SRPK2: variants seen among roughly 807,000 people sequenced by gnomAD.
SRPK2 encodes the protein SFRS protein kinase 2.
In SRPK2, 21 loss-of-function variants were observed where a neutral mutation model predicts 90.8. The observed-to-expected ratio is 0.23, with a 90% CI of 0.16 to 0.33. The LOEUF (loss-of-function observed/expected upper bound fraction) is 0.33, where lower values mean the gene tolerates loss of function less well. Among genes scored for constraint, SRPK2 ranks in the 10% least tolerant of loss-of-function variants. The probability of loss-of-function intolerance (pLI) is 1.00; values close to 1 mark genes in which losing one functional copy is unlikely to be tolerated. For synonymous variants in SRPK2, 288 were observed against 311.1 expected (o/e 0.93, Z 0.78); for missense variants, 620 against 869.0 (o/e 0.71, Z 3.60).
intron 2 of SRPK2, among the ~76,000 whole-genome samples, chr7:105,273,067 T>C (rs962062315): frequency 6.6e-6 from 1 of 151,754 alleles, no homozygotes. Flanking sequence ...TACAAAAAAT[T>C]AGCCAGGCGT....
chr7:105,129,633 C>T (rs1584887637), intron 13 of SRPK2, among the ~76,000 whole-genome samples: 1 of 152,284 alleles, frequency 6.6e-6, no homozygotes, highest in East Asian at 1.9e-4. Flanking sequence ...CCTTGGCCTC[C>T]CAAAGTGCTG....
chr7:105,236,540 T>C (rs1236091161), intron 2 of SRPK2, among the ~76,000 whole-genome samples: 2 of 152,138 alleles, frequency 1.3e-5, no homozygotes, highest in Non-Finnish European at 2.9e-5. Flanking sequence ...TAGGTTTTAT[T>C]CCCGTTTTAC....
intron 2 of SRPK2, among the ~76,000 whole-genome samples, chr7:105,213,503 C>A (rs1563091918): frequency 6.9e-6 from 1 of 145,304 alleles, no homozygotes; most frequent in Non-Finnish European, 1.5e-5. Flanking sequence ...CAGTTCAAAG[C>A]CGAAGAACAA....
At chr7:105,342,462 G>A (rs1815941987) in intron 2 of SRPK2, among the ~76,000 whole-genome samples, 1 of 152,060 alleles carries the variant, frequency 6.6e-6, no homozygotes, top group African/African-American at 2.4e-5. Context: ...CTATGTCAGA[G>A]AAGCCTACAA....
At chr7:105,215,062 T>A (rs1797288160) in intron 2 of SRPK2, among the ~76,000 whole-genome samples, 1 of 152,212 alleles carries the variant, frequency 6.6e-6, no homozygotes, top group African/African-American at 2.4e-5. Context: ...GATTTCCAAC[T>A]GATTGCCAAG....
At position 105,254,422 on chromosome 7, in the gene SRPK2, G is replaced by A. The variant is rs113293294; in HGVS notation, c.72-50637C>T. ...AAAAACAAACACTCCTTTATAAAGA[G>A]CCTTACAAATTGGCTTCACAAGTGA... is the stretch of plus-strand genomic sequence containing the variant. On this transcript the variant is annotated intron_variant, in intron 2 of 15. Transcript: ENST00000393651. Among the ~76,000 whole-genome samples, 491 of 152,280 alleles carry A rather than the reference G, an allele frequency of 3.2e-3. 3 individuals carry two copies. Among genetic ancestry groups the A allele is most frequent in the African/African-American group, 0.011 (470 of 41,560 alleles).
intron 7 of SRPK2, among the ~76,000 whole-genome samples, chr7:105,150,770 G>T (rs918245748): frequency 3.3e-5 from 5 of 152,214 alleles, no homozygotes; most frequent in African/African-American, 1.2e-4. Flanking sequence ...ATGATGTCCA[G>T]CCCATAGAGG....
Position 105,146,670 on chromosome 7 carries a change from A to G in SRPK2, c.622-12T>C. The G allele has an allele frequency of 6.2e-7, 1 of 1,613,258 alleles. No homozygotes were observed. The highest frequency in any genetic ancestry group is 8.5e-7 in the Non-Finnish European group (1 of 1,179,492). On this transcript the variant is annotated splice_polypyrimidine_tract_variant and intron_variant, in intron 7 of 15. Coordinates refer to ENST00000393651, the MANE Select transcript of SRPK2 (RefSeq NM_182692.3). The stretch of plus-strand genomic sequence containing the variant: ...AACCCTTGAAGGACCTGGATATAGT[A>G]AAATCAAGAGAGAAGATAAGCTATT...
chr7:105,267,430 T>C (rs1805241186), intron 2 of SRPK2, among the ~76,000 whole-genome samples: 2 of 152,278 alleles, frequency 1.3e-5, no homozygotes, highest in South Asian at 4.1e-4. Flanking sequence ...TCTTCTACCC[T>C]TCCCATCACC....
intron 2 of SRPK2, among the ~76,000 whole-genome samples, chr7:105,376,567 T>C (rs1252741899): frequency 6.7e-6 from 1 of 148,578 alleles, no homozygotes; most frequent in Non-Finnish European, 1.5e-5. Context: ...GGGTATAGAG[T>C]CTCACTCTGT....
chr7:105,376,213 G>T (rs537693015), intron 2 of SRPK2, among the ~76,000 whole-genome samples: 9 of 151,618 alleles, frequency 5.9e-5, no homozygotes, highest in Non-Finnish European at 1.0e-4. Flanking sequence ...TAGCCAGGAT[G>T]GTCTCTATCT....
intron 2 of SRPK2, among the ~76,000 whole-genome samples, chr7:105,383,055 T>TTTTTTG (rs1821137470): frequency 2.0e-5 from 1 of 50,604 alleles, no homozygotes; most frequent in African/African-American, 5.7e-5. Context: ...AAGTAAAAAT[T>TTTTTTG]TTTTTTTTTT....
At chr7:105,152,238 C>T (rs1805800061) in intron 7 of SRPK2, among the ~76,000 whole-genome samples, 1 of 152,058 alleles carries the variant, frequency 6.6e-6, no homozygotes, top group Non-Finnish European at 1.5e-5. Context: ...CAACCTCCAC[C>T]TACTGGGTTC....
At chr7:105,232,458 T>TAAAAAAAAAAA (rs10533429) in intron 2 of SRPK2, among the ~76,000 whole-genome samples, 31 of 132,096 alleles carry the variant, frequency 2.3e-4, no homozygotes, top group African/African-American at 8.8e-4. Flanking sequence ...AAACCTTATC[T>TAAAAAAAAAAA]AAAAAAAAAA....
intron 3 of SRPK2, among the ~76,000 whole-genome samples, chr7:105,179,974 A>G (rs1792548149): frequency 6.6e-6 from 1 of 152,174 alleles, no homozygotes; most frequent in Admixed American, 6.5e-5. Context: ...CATGGACAGG[A>G]AAAATCAATA....
rs765314446 is a variant in SRPK2 at position 105,142,509 on chromosome 7, C to T, written c.1061-19G>A. On this transcript the variant is annotated intron_variant, in intron 10 of 15. Transcript: ENST00000393651. ...GCTTCACCTTAAGAATTTGATGGGT[C>T]AAGAATTAGAACTTGTTACTCTCCT... The T allele has an allele frequency of 1.9e-6, 3 of 1,586,980 alleles. No individual in the cohort carries two copies. The South Asian group carries it at 3.5e-5, about 19-fold the overall frequency.
intron 2 of SRPK2, among the ~76,000 whole-genome samples, chr7:105,380,600 T>C (rs983171764): frequency 2.0e-5 from 3 of 148,338 alleles, no homozygotes; most frequent in South Asian, 2.1e-4. Flanking sequence ...CTCAGCTCAC[T>C]GCAAGCTCTG....
chr7:105,121,006 A>G (rs1344645394), intron 15 of SRPK2, among the ~76,000 whole-genome samples: 3 of 152,136 alleles, frequency 2.0e-5, no homozygotes, highest in Non-Finnish European at 2.9e-5. Flanking sequence ...TTAAAAACAC[A>G]TTTTCACCAT....
At chr7:105,144,935 C>G (rs1804344121) in intron 9 of SRPK2, among the ~76,000 whole-genome samples, 1 of 151,806 alleles carries the variant, frequency 6.6e-6, no homozygotes, top group African/African-American at 2.4e-5. Context: ...GGTGAAACCC[C>G]TCTCTACTAA....
Sources: gnomAD v4.1 joint callset for allele counts (sites outside exome capture counted in the v4.1 genomes callset) on GRCh38, gnomAD v4.1.1 for gene constraint, MANE v1.5 for transcripts, NCBI Gene and HGNC (gene_info 2026-07-23, HGNC 2026-07-21) for gene names.